WDR41: variants seen among roughly 807,000 people sequenced by gnomAD.
WDR41 encodes the protein WD repeat-containing protein 41.
Under a neutral mutation model 69.3 loss-of-function variants are expected in WDR41, and 63 were observed. The observed-to-expected ratio is 0.91, with a 90% CI of 0.74 to 1.12. WDR41 has a LOEUF of 1.12. WDR41 is among the 50% of genes most tolerant of loss of function. The pLI is 0.00. For missense variants in WDR41, 543 were observed against 534.5 expected, an observed-to-expected ratio of 1.02 and a Z score of -0.16; for synonymous variants, 185 against 192.1, an observed-to-expected ratio of 0.96 and a Z score of 0.31.
intron 1 of WDR41, among the ~76,000 whole-genome samples, chr5:77,531,921 G>A (rs1179482384): frequency 6.6e-6 from 1 of 151,900 alleles, no homozygotes; most frequent in Non-Finnish European, 1.5e-5. Flanking sequence ...AAAACAGAAA[G>A]GAGATCAGTA....
intron 1 of WDR41, among the ~76,000 whole-genome samples, chr5:77,508,469 C>T (rs1228349646): frequency 6.6e-6 from 1 of 152,152 alleles, no homozygotes; most frequent in African/African-American, 2.4e-5. Flanking sequence ...TAGACATTGT[C>T]ATCATAACAT....
intron 8 of WDR41, among the ~76,000 whole-genome samples, chr5:77,448,239 C>CA (rs374583785): frequency 2.4e-4 from 36 of 152,306 alleles, no homozygotes; most frequent in African/African-American, 7.9e-4. Context: ...ACTTAAGACT[C>CA]AGTGTCACCA....
At chr5:77,589,369 A>G (rs1176112094) in intron 1 of WDR41, among the ~76,000 whole-genome samples, 1 of 152,200 alleles carries the variant, frequency 6.6e-6, no homozygotes, top group African/African-American at 2.4e-5. Flanking sequence ...GAATCAGCTT[A>G]TCAAGTTTTA....
intron 12 of WDR41, among the ~76,000 whole-genome samples, chr5:77,433,975 A>AGTT (rs376718788): frequency 6.6e-6 from 1 of 152,240 alleles, no homozygotes; most frequent in Non-Finnish European, 1.5e-5. Flanking sequence ...TGGGGTGAAG[A>AGTT]GTTGTATCAG....
intron 2 of WDR41, among the ~76,000 whole-genome samples, chr5:77,476,303 G>A (rs1800928062): frequency 2.0e-5 from 3 of 151,164 alleles, no homozygotes; most frequent in Non-Finnish European, 4.4e-5. Context: ...CCAACATTCA[G>A]ATTCAGGAAA....
At chr5:77,600,921 C>CTGTGTG (rs778461981) in intron 1 of WDR41, among the ~76,000 whole-genome samples, 1,157 of 106,466 alleles carry the variant, frequency 0.011, 7 homozygotes, top group Middle Eastern at 0.044. Flanking sequence ...TTATCTAACT[C>CTGTGTG]TGTGTGTATG....
rs116729030 is a variant in WDR41 at position 77,457,783 on chromosome 5, C to T, written c.411+1279G>A. ...ACTATCTATTCAAGAACAACTGAAC[C>T]ACTGAACTAAATGAGTGCAATGCTA... is the stretch of plus-strand genomic sequence containing the variant. On this transcript the variant is annotated intron_variant, in intron 5 of 12. Transcript: ENST00000296679. Among the ~76,000 whole-genome samples, 819 of 151,916 alleles carry T rather than the reference C, an allele frequency of 5.4e-3. 26 individuals carry two copies. Among genetic ancestry groups the T allele is most frequent in the African/African-American group, 0.019 (787 of 41,356 alleles).
At chr5:77,568,965 T>G (rs1743684863) in intron 1 of WDR41, among the ~76,000 whole-genome samples, 1 of 152,046 alleles carries the variant, frequency 6.6e-6, no homozygotes, top group Admixed American at 6.6e-5. Context: ...TGTCACAGAG[T>G]GGTCCCAGTG....
intron 5 of WDR41, among the ~76,000 whole-genome samples, chr5:77,455,466 C>T (rs1246716127): frequency 1.3e-5 from 2 of 152,092 alleles, no homozygotes; most frequent in African/African-American, 4.8e-5. Flanking sequence ...CTGATGAGGT[C>T]CAATTTATCT....
At chr5:77,587,943 A>C (rs930382050) in intron 1 of WDR41, among the ~76,000 whole-genome samples, 1 of 152,136 alleles carries the variant, frequency 6.6e-6, no homozygotes, top group African/African-American at 2.4e-5. Context: ...TACCAATAGG[A>C]TCTTGAACTT....
intron 1 of WDR41, among the ~76,000 whole-genome samples, chr5:77,501,791 T>C (rs1160007992): frequency 6.6e-6 from 1 of 151,930 alleles, no homozygotes; most frequent in Non-Finnish European, 1.5e-5. Flanking sequence ...CAGCTGAGGG[T>C]CCTGACTGTT....
At chr5:77,584,536 A>C (rs1168731375) in intron 1 of WDR41, among the ~76,000 whole-genome samples, 1 of 152,166 alleles carries the variant, frequency 6.6e-6, no homozygotes, top group East Asian at 1.9e-4. Context: ...AAGACAAATA[A>C]ATTTAAGAAG....
intron 2 of WDR41, among the ~76,000 whole-genome samples, chr5:77,487,374 A>G (rs921661920): frequency 1.3e-5 from 2 of 152,184 alleles, no homozygotes; most frequent in African/African-American, 2.4e-5. Context: ...CACAAAAATG[A>G]CCACTTTAAT....
chr5:77,553,229 T>C (rs1202885596), intron 1 of WDR41, among the ~76,000 whole-genome samples: 1 of 152,204 alleles, frequency 6.6e-6, no homozygotes, highest in Non-Finnish European at 1.5e-5. Context: ...CTCTGGAGGA[T>C]GGGAAGTCCA....
intron 1 of WDR41, among the ~76,000 whole-genome samples, chr5:77,555,056 CAGCTTGGGTGAGACAACA>C (rs1192912956): frequency 6.7e-6 from 1 of 150,098 alleles, no homozygotes; most frequent in East Asian, 2.0e-4. Flanking sequence ...CACTGCATTC[CAGCTTGGGTGAGACAACA>C]AGACCCTGTT....
chr5:77,449,922 ATAC>A lies in WDR41; in HGVS notation c.587-55_587-53del, dbSNP rs377403559. ...TATTACAATGCTCTAAGAGGATAAAATACTACTCCTGCTCTAAAAACAAGCATT... is the reference window on the plus strand; with the variant it reads ...TATTACAATGCTCTAAGAGGATAAAATACTCCTGCTCTAAAAACAAGCATT... On this transcript the variant is annotated intron_variant, in intron 7 of 12. Coordinates refer to ENST00000296679, the MANE Select transcript of WDR41 (RefSeq NM_018268.4). The A allele has an allele frequency of 1.1e-4, 131 of 1,199,746 alleles. 1 individual carries two copies. The African/African-American group carries it at 1.8e-3, about 16-fold the overall frequency. 74.3% of individuals were successfully genotyped at this position (1,199,746 alleles called of 1,614,324 possible). A position where few individuals can be genotyped will look rare whatever the true frequency, so the allele number is the denominator to read the frequency against.
intron 2 of WDR41, among the ~76,000 whole-genome samples, chr5:77,484,903 G>A (rs922809457): frequency 1.3e-5 from 2 of 152,116 alleles, no homozygotes; most frequent in Admixed American, 6.5e-5. Context: ...TAGCTCAATC[G>A]GCTCCTAGTC....
intron 2 of WDR41, among the ~76,000 whole-genome samples, chr5:77,470,963 C>A (rs1800573636): frequency 6.6e-6 from 1 of 152,176 alleles, no homozygotes; most frequent in South Asian, 2.1e-4. Flanking sequence ...CCCAAATCAA[C>A]AGAATATACA....
At chr5:77,603,060 C>G (rs111852122) in intron 1 of WDR41, among the ~76,000 whole-genome samples, 4,839 of 151,956 alleles carry the variant, frequency 0.032, 88 homozygotes, top group South Asian at 0.056. Flanking sequence ...GCCTCAGCCT[C>G]CCGAGTAGCT....
Sources: allele counts gnomAD v4.1 joint callset (sites outside exome capture counted in the v4.1 genomes callset), GRCh38; gene constraint gnomAD v4.1.1; transcripts MANE v1.5; gene names NCBI Gene and HGNC (gene_info 2026-07-23, HGNC 2026-07-21).